The following IMMT variants were observed in gnomAD, a reference collection of about 807,000 sequenced individuals.
The protein encoded by IMMT is MICOS complex subunit MIC60.
Under a neutral mutation model 92.7 loss-of-function variants are expected in IMMT, and 40 were observed. The ratio of observed to expected loss-of-function variants is 0.43; its 90% CI spans 0.34 to 0.56. The LOEUF is 0.56. Ranked by LOEUF, IMMT falls within the 20% of genes least tolerant of loss-of-function variation. The probability of loss-of-function intolerance (pLI) is 0.03; values close to 1 mark genes in which losing one functional copy is unlikely to be tolerated. For missense variants in IMMT, 831 were observed against 912.1 expected (o/e 0.91, Z 1.14); for synonymous variants, 322 against 336.1 (o/e 0.96, Z 0.46).
At chr2:86,188,241 G>C (rs916842980) in intron 1 of IMMT, among the ~76,000 whole-genome samples, 1 of 151,958 alleles carries the variant, frequency 6.6e-6, no homozygotes, top group Non-Finnish European at 1.5e-5. Flanking sequence ...AACCATCTTA[G>C]TGGTTGTGAA....
intron 7 of IMMT, among the ~76,000 whole-genome samples, chr2:86,164,142 C>T (rs1573907331): frequency 7.2e-6 from 1 of 139,498 alleles, no homozygotes; most frequent in South Asian, 2.5e-4. Flanking sequence ...ACCACAACCT[C>T]CACCTCCCAG....
intron 8 of IMMT, among the ~76,000 whole-genome samples, chr2:86,161,194 C>T (rs147475843): frequency 3.3e-5 from 5 of 152,230 alleles, no homozygotes; most frequent in Non-Finnish European, 5.9e-5. Context: ...CTCGCTCTGT[C>T]GCCCAGGCTC....
chr2:86,162,887 T>C (rs1435670855), intron 7 of IMMT, among the ~76,000 whole-genome samples: 1 of 152,058 alleles, frequency 6.6e-6, no homozygotes, highest in Non-Finnish European at 1.5e-5. Flanking sequence ...CCAACATGTT[T>C]TTCTCCAGCT....
Position 86,144,567 on chromosome 2 carries a change from G to C in IMMT, c.1978C>G (p.Leu660Val). Residue 660 changes from leucine (L) to valine (V), a missense_variant, in exon 15 of 15, where the codon CTC becomes GTC. Transcript: ENST00000410111. ...AGGAGCAGGGACTGTAGGTAGGAGA[G>C]GAAGTACTGGTACAAGCTATTTCTG... ...ETRNSLYQYFLSYLQSLLLFP... is the reference protein window; with the variant it reads ...ETRNSLYQYFVSYLQSLLLFP... The C allele has an allele frequency of 6.2e-7, 1 of 1,614,036 alleles. No homozygotes were observed. The highest frequency in any genetic ancestry group is 1.3e-5 in the African/African-American group (1 of 75,052).
chr2:86,162,481 C>A (rs1462036186), intron 7 of IMMT, among the ~76,000 whole-genome samples: 1 of 151,460 alleles, frequency 6.6e-6, no homozygotes, highest in Non-Finnish European at 1.5e-5. Flanking sequence ...TAATTTGTTA[C>A]ATATAAGTCA....
chr2:86,154,322 CCCA>C (rs1298812869), intron 10 of IMMT, among the ~76,000 whole-genome samples: 3 of 151,548 alleles, frequency 2.0e-5, no homozygotes, highest in African/African-American at 7.3e-5. Flanking sequence ...ACATGCGCCT[CCCA>C]CCACGCCTGG....
Position 86,170,873 on chromosome 2 carries a change from C to A in IMMT, c.560-29G>T. On this transcript the variant is annotated intron_variant, in intron 5 of 14. Transcript: ENST00000410111. ...GCAGCAAAAGTAAATAAGAGGAAAT[C>A]AAATTTCAGCATAGAATTTTAATAG... 3 of 1,486,602 alleles carry A rather than the reference C, an allele frequency of 2.0e-6. No homozygotes were observed. The South Asian group carries it at 3.6e-5, about 18-fold the overall frequency. 92.1% of individuals were successfully genotyped at this position (1,486,602 alleles called of 1,614,324 possible).
At chr2:86,147,554 G>A (rs1292097165) in intron 13 of IMMT, 148 bp downstream of exon 13, 1 of 626,912 alleles carries the variant, frequency 1.6e-6, no homozygotes, top group Admixed American at 3.5e-5. Context: ...GAACACACAG[G>A]TACACCATTA....
chr2:86,149,879 CAAA>C (rs548731236), intron 12 of IMMT, among the ~76,000 whole-genome samples: 62,677 of 121,242 alleles, frequency 0.52, 14,335 homozygotes, highest in Non-Finnish European at 0.58. Flanking sequence ...GACTCTGTCT[CAAA>C]AAAAAAAAAA....
At chr2:86,183,247 G>C (rs1467021825) in intron 1 of IMMT, among the ~76,000 whole-genome samples, 1 of 152,138 alleles carries the variant, frequency 6.6e-6, no homozygotes, top group African/African-American at 2.4e-5. Context: ...CAGGAAATCA[G>C]GGACAAATTT....
chr2:86,168,773 AAAGAT>A (rs1206051576), intron 6 of IMMT, among the ~76,000 whole-genome samples: 1 of 152,228 alleles, frequency 6.6e-6, no homozygotes, highest in African/African-American at 2.4e-5. Flanking sequence ...CCTCTGCAAG[AAAGAT>A]AAGAGGAAAA....
chr2:86,184,256 T>C (rs921802882), intron 1 of IMMT, among the ~76,000 whole-genome samples: 13 of 152,110 alleles, frequency 8.5e-5, no homozygotes, highest in African/African-American at 3.1e-4. Context: ...CTGTAACCTC[T>C]AACTCCTGGG....
chr2:86,146,345 G>T (rs1675005571), intron 13 of IMMT, 148 bp from the exon 14 acceptor site: 10 of 510,216 alleles, frequency 2.0e-5, no homozygotes, highest in South Asian at 4.6e-5. Flanking sequence ...TTTCAAAAAT[G>T]TCCTGACTCA....
chr2:86,148,495 C>T (rs1405886498), intron 12 of IMMT, among the ~76,000 whole-genome samples: 1 of 152,058 alleles, frequency 6.6e-6, no homozygotes, highest in Non-Finnish European at 1.5e-5. Context: ...GCCTGTAGTC[C>T]CAGCTACTCG....
chr2:86,175,537 A>T (rs1677378543), intron 3 of IMMT, among the ~76,000 whole-genome samples: 1 of 152,098 alleles, frequency 6.6e-6, no homozygotes, highest in Non-Finnish European at 1.5e-5. Flanking sequence ...TCTATCCAGG[A>T]ATGTAACAGT....
rs1272158814 is a variant in IMMT, at chr2:86,144,768, C to G, written c.1777G>C (p.Gly593Arg). The change falls in exon 15 of 15, where the codon GGT (glycine) becomes CGT (arginine). Residue 593 changes from glycine to arginine, a missense_variant. Transcript: ENST00000410111. Reference sequence around the variant, plus strand: ...GCTTTGATGGCCTCAACTGCACTACCCAGCGGGATAGTAGGTGTTTCTGCA... The same window carrying G: ...GCTTTGATGGCCTCAACTGCACTACGCAGCGGGATAGTAGGTGTTTCTGCA... ...SSAETPTIPL[G>R]SAVEAIKANC... The G allele has an allele frequency of 1.2e-6, 2 of 1,613,650 alleles. No individual in the cohort carries two copies. The highest frequency in any genetic ancestry group is 1.7e-6 in the Non-Finnish European group (2 of 1,179,884).
At chr2:86,174,868 T>G (rs1677326910) in intron 3 of IMMT, among the ~76,000 whole-genome samples, 1 of 152,218 alleles carries the variant, frequency 6.6e-6, no homozygotes, top group East Asian at 1.9e-4. Context: ...TTCAAATTGT[T>G]TCCTGTTTTG....
chr2:86,175,390 A>G (rs1677366619), intron 3 of IMMT, among the ~76,000 whole-genome samples: 1 of 152,086 alleles, frequency 6.6e-6, no homozygotes, highest in African/African-American at 2.4e-5. Flanking sequence ...AAATATATAT[A>G]TATGTATGTC....
chr2:86,169,651 T>C (rs970504341), intron 6 of IMMT, among the ~76,000 whole-genome samples: 2 of 148,914 alleles, frequency 1.3e-5, no homozygotes, highest in African/African-American at 5.2e-5. Flanking sequence ...ATGTTACATG[T>C]GCTTTAAGAC....
Sources: gnomAD v4.1 joint callset for allele counts (sites outside exome capture counted in the v4.1 genomes callset) on GRCh38, gnomAD v4.1.1 for gene constraint, MANE v1.5 for transcripts, NCBI Gene and HGNC (gene_info 2026-07-23, HGNC 2026-07-21) for gene names.